Variants in SPAG16 observed in about 807,000 individuals in gnomAD.
SPAG16 encodes the protein sperm associated antigen 16.
In SPAG16, 86 loss-of-function variants were observed where a neutral mutation model predicts 80.4. The observed-to-expected ratio is 1.07, with a 90% CI of 0.90 to 1.28. SPAG16 has a LOEUF of 1.28. SPAG16 is among the 50% of genes most tolerant of loss of function. The pLI, the probability that SPAG16 is intolerant of heterozygous loss-of-function variation, is 0.00. For missense variants in SPAG16, 870 were observed against 765.3 expected (o/e 1.14, Z -1.61); for synonymous variants, 294 against 265.9 (o/e 1.11, Z -1.03).
intron 13 of SPAG16, among the ~76,000 whole-genome samples, chr2:214,024,721 GA>G (rs2048047168): frequency 6.6e-6 from 1 of 151,530 alleles, no homozygotes; most frequent in Non-Finnish European, 1.5e-5. Context: ...ATGGAAAGTT[GA>G]AACTAAAGGA....
At chr2:214,248,476 C>T (rs1282932629) in intron 15 of SPAG16, among the ~76,000 whole-genome samples, 1 of 151,836 alleles carries the variant, frequency 6.6e-6, no homozygotes, top group East Asian at 1.9e-4. Flanking sequence ...TGACACCACA[C>T]CCAGCTAATT....
At chr2:214,137,250 A>G (rs2125520970) in intron 14 of SPAG16, among the ~76,000 whole-genome samples, 1 of 152,222 alleles carries the variant, frequency 6.6e-6, no homozygotes, top group East Asian at 1.9e-4. Flanking sequence ...CAACATAGAC[A>G]ATTTTGCATG....
chr2:213,842,040 T>G (rs946422666), intron 10 of SPAG16, among the ~76,000 whole-genome samples: 2 of 152,156 alleles, frequency 1.3e-5, no homozygotes, highest in Admixed American at 1.3e-4. Flanking sequence ...GAAACAGGTG[T>G]GCATCATGTA....
intron 9 of SPAG16, among the ~76,000 whole-genome samples, chr2:213,487,644 A>G (rs1445628985): frequency 3.3e-5 from 5 of 152,018 alleles, no homozygotes; most frequent in Non-Finnish European, 7.4e-5. Flanking sequence ...ATATTTTACT[A>G]TTTTATTAGC....
At chr2:213,760,048 A>G (rs933344717) in intron 10 of SPAG16, among the ~76,000 whole-genome samples, 1 of 152,190 alleles carries the variant, frequency 6.6e-6, no homozygotes, top group Non-Finnish European at 1.5e-5. Flanking sequence ...AAAAGAAAAA[A>G]AAAAGAATTC....
chr2:213,665,446 AG>A (rs1272142439), intron 10 of SPAG16, among the ~76,000 whole-genome samples: 1 of 152,124 alleles, frequency 6.6e-6, no homozygotes, highest in Non-Finnish European at 1.5e-5. Context: ...TTCCCTATTA[AG>A]GGACAAGGAT....
intron 10 of SPAG16, among the ~76,000 whole-genome samples, chr2:213,541,581 C>G (rs187933917): frequency 2.1e-3 from 318 of 152,232 alleles, no homozygotes; most frequent in Non-Finnish European, 3.0e-3. Flanking sequence ...GACCATGCCA[C>G]TGCACTCCAG....
chr2:213,618,319 A>G (rs1249974302), intron 10 of SPAG16, among the ~76,000 whole-genome samples: 3 of 152,266 alleles, frequency 2.0e-5, no homozygotes, highest in African/African-American at 4.8e-5. Flanking sequence ...CTTCTACTCT[A>G]TCCTCACTGC....
chr2:213,672,861 T>TTG (rs1445713364), intron 10 of SPAG16, among the ~76,000 whole-genome samples: 27 of 132,318 alleles, frequency 2.0e-4, no homozygotes, highest in African/African-American at 9.6e-4. Flanking sequence ...TTTTGTTTGT[T>TTG]TTTTTTTTTT....
At chr2:214,393,656 C>G (rs1305253242) in intron 15 of SPAG16, among the ~76,000 whole-genome samples, 1 of 151,916 alleles carries the variant, frequency 6.6e-6, no homozygotes, top group African/African-American at 2.4e-5. Flanking sequence ...TCCTATATCT[C>G]TTTTGCGTTT....
In SPAG16 at chr2:213,297,328, CAAG is replaced by C; in HGVS notation, c.253_255del (p.Glu85del). ...TCTGGCAAAAGCAATTCAGATGGCCCAAGAACAGGCTACAGATACTGAAATTTT... is the reference window on the plus strand; with the variant it reads ...TCTGGCAAAAGCAATTCAGATGGCCCAACAGGCTACAGATACTGAAATTTT... On this transcript the variant is annotated inframe_deletion, in exon 3 of 16. Coordinates refer to ENST00000331683, the MANE Select transcript of SPAG16 (RefSeq NM_024532.5). The C allele has an allele frequency of 1.2e-6, 2 of 1,612,280 alleles. No individual in the cohort carries two copies. The highest frequency in any genetic ancestry group is 1.7e-6 in the Non-Finnish European group (2 of 1,178,874).
chr2:213,882,936 G>C (rs926278206), intron 11 of SPAG16, among the ~76,000 whole-genome samples: 1 of 152,170 alleles, frequency 6.6e-6, no homozygotes, highest in Admixed American at 6.5e-5. Context: ...GCAGTGGCGC[G>C]ATCTCGGCTC....
intron 9 of SPAG16, chr2:213,422,345 CA>C (rs2069650393): frequency 1.4e-6 from 1 of 695,034 alleles, no homozygotes. Flanking sequence ...TACACAGATC[CA>C]GTGCCTGTGC....
chr2:213,825,701 C>CTTTTTTTTTTTTTTTTTTTTTTTTTTTTT (rs55777958), intron 10 of SPAG16, among the ~76,000 whole-genome samples: 7 of 109,798 alleles, frequency 6.4e-5, no homozygotes, highest in African/African-American at 1.9e-4. Flanking sequence ...TTCTTTCTTT[C>CTTTTTTTTTTTTTTTTTTTTTTTTTTTTT]TTTTTTTTTT....
intron 13 of SPAG16, among the ~76,000 whole-genome samples, chr2:214,021,417 A>G (rs1437848780): frequency 6.6e-6 from 1 of 152,140 alleles, no homozygotes; most frequent in Non-Finnish European, 1.5e-5. Flanking sequence ...CTTCTTACAC[A>G]GTGGTGGCAA....
intron 10 of SPAG16, among the ~76,000 whole-genome samples, chr2:213,573,223 GA>G (rs2059990649): frequency 6.6e-6 from 1 of 151,874 alleles, no homozygotes; most frequent in African/African-American, 2.4e-5. Flanking sequence ...GGGAGCTGTA[GA>G]CCGGAGCTGT....
intron 15 of SPAG16, among the ~76,000 whole-genome samples, chr2:214,369,089 C>T (rs1230353446): frequency 6.6e-6 from 1 of 152,002 alleles, no homozygotes; most frequent in African/African-American, 2.4e-5. Context: ...CAGATTATAT[C>T]CATTTATAAT....
At chr2:214,388,710 G>A (rs568524212) in intron 15 of SPAG16, among the ~76,000 whole-genome samples, 32 of 152,268 alleles carry the variant, frequency 2.1e-4, no homozygotes, top group Non-Finnish European at 4.1e-4. Context: ...TTTACTGGGT[G>A]GGGAACAAAA....
In SPAG16 at chr2:213,325,620, A is replaced by ATGTGTG. The variant is rs10534467; in HGVS notation, c.536+8283_536+8288dup. Among the ~76,000 whole-genome samples the ATGTGTG allele has an allele frequency of 3.5e-3, 528 of 149,092 alleles. 3 individuals are homozygous for ATGTGTG. Among genetic ancestry groups the ATGTGTG allele is most frequent in the African/African-American group, 0.011 (463 of 40,786 alleles). On this transcript the variant is annotated intron_variant, in intron 5 of 15. Coordinates refer to ENST00000331683, the MANE Select transcript of SPAG16 (RefSeq NM_024532.5). Reference sequence around the variant, plus strand: ...AAATATAACTTGATTTTGGAAAAATATGTGTGTGTGTGTGTGTGTGTGTGC... The same window carrying ATGTGTG: ...AAATATAACTTGATTTTGGAAAAATATGTGTGTGTGTGTGTGTGTGTGTGTGTGTGC...
Sources: gnomAD v4.1 joint callset for allele counts (sites outside exome capture counted in the v4.1 genomes callset) on GRCh38, gnomAD v4.1.1 for gene constraint, MANE v1.5 for transcripts, NCBI Gene and HGNC (gene_info 2026-07-23, HGNC 2026-07-21) for gene names.